Variants in CD180 observed in about 807,000 individuals in gnomAD.
CD180 encodes CD180 molecule.
Under a neutral mutation model 10.7 loss-of-function variants are expected in CD180, and 11 were observed. That is an observed-to-expected ratio of 1.03 (90% confidence interval 0.65 to 1.70). The LOEUF is 1.70. Ranked by LOEUF, CD180 falls within the 40% of genes most tolerant of loss-of-function variation. The pLI is 0.00. For missense variants in CD180, 729 were observed against 775.2 expected, an observed-to-expected ratio of 0.94 and a Z score of 0.71; for synonymous variants, 286 against 294.6, an observed-to-expected ratio of 0.97 and a Z score of 0.30.
At chr5:67,194,375 T>C (rs1205618539) in intron 1 of CD180, among the ~76,000 whole-genome samples, 1 of 149,200 alleles carries the variant, frequency 6.7e-6, no homozygotes, top group African/African-American at 2.6e-5. Context: ...TATTATAGAA[T>C]CTAAGATTTT....
At chr5:67,184,825 C>T (rs77896491) in intron 2 of CD180, among the ~76,000 whole-genome samples, 6,332 of 151,970 alleles carry the variant, frequency 0.042, 324 homozygotes, top group African/African-American at 0.11. Context: ...GAGGTTTGTG[C>T]CTGTATTCTA....
At position 67,183,886 on chromosome 5, in the gene CD180, A is replaced by G; in HGVS notation, c.957T>C (p.Gly319=). 2.5e-6 allele frequency: 4 copies of G among 1,614,164 alleles called. No individual in the cohort carries two copies. Among genetic ancestry groups the G allele is most frequent in the African/African-American group, 1.3e-5 (1 of 75,032 alleles). ...GAACTAATTTCTTGAGCAAGTTCAG[A>G]CCCTTCATCCCAGAGGGTAACCCTT... The part of the protein sequence containing the change: ...HLKGLPSGMK[G]LNLLKKLVLS... The change falls in exon 3 of 3, where the codon GGT becomes GGC. Residue 319 remains glycine, a synonymous_variant. Coordinates refer to ENST00000256447, the MANE Select transcript of CD180 (RefSeq NM_005582.3).
rs1324670839 is a variant in CD180, at chr5:67,184,543, A to T, written c.300T>A (p.His100Gln). 6.2e-7 allele frequency: 1 copy of T among 1,605,372 alleles called. No individual in the cohort carries two copies. The highest frequency in any genetic ancestry group is 1.7e-5 in the Admixed American group (1 of 59,904). Residue 100 changes from histidine (H) to glutamine (Q), a missense_variant, in exon 3 of 3, where the codon CAT becomes CAA. By Grantham distance (24) the His-to-Gln change is conservative. Transcript: ENST00000256447. The part of the protein sequence containing the change: ...NWIHEDTFQS[H>Q]HQLSTLVLTG... ...TTAACACAAGTGTGCTTAATTGATG[A>T]TGGCTTTGAAAAGTGTCTTCATGTA...
rs5744474 is a variant in CD180 at position 67,194,344 on chromosome 5, A to G, written c.90+2208T>C. On this transcript the variant is annotated intron_variant, in intron 1 of 2. Coordinates refer to ENST00000256447, the MANE Select transcript of CD180 (RefSeq NM_005582.3). ...GGTCACAAGATTTGTGACTTCCCCA[A>G]TTACTCCTGTAGATAACATCTATTA... Among the ~76,000 whole-genome samples, 133 of 152,206 alleles carry G rather than the reference A, an allele frequency of 8.7e-4. 2 individuals are homozygous for G. Among genetic ancestry groups the G allele is most frequent in the African/African-American group, 2.7e-3 (111 of 41,518 alleles).
At position 67,196,779 on chromosome 5, in the gene CD180, C is replaced by A; in HGVS notation, c.-138G>T. On this transcript the variant is annotated 5_prime_UTR_variant, in exon 1 of 3. Transcript: ENST00000256447. ...TTGGAACAAGAAATGCTGTTGACTG[C>A]TCAGCATTCTGTGGCTCTGTGCTGG... 2.7e-6 allele frequency: 2 copies of A among 742,870 alleles called. No homozygotes were observed. Among genetic ancestry groups the A allele is most frequent in the South Asian group, 2.0e-5 (1 of 51,174 alleles). 46.0% of individuals were successfully genotyped at this position (742,870 alleles called of 1,614,324 possible).
At chr5:67,193,873 C>A (rs1006547115) in intron 1 of CD180, among the ~76,000 whole-genome samples, 2 of 152,184 alleles carry the variant, frequency 1.3e-5, no homozygotes, top group Non-Finnish European at 2.9e-5. Flanking sequence ...TTTAAAACAG[C>A]CTGCTTCCCA....
rs763733564 is a variant in CD180 at position 67,183,120 on chromosome 5, TTAAA to T, written c.1719_1722del (p.Asn573LysfsTer16). The T allele has an allele frequency of 6.2e-7, 1 of 1,610,312 alleles. No individual in the cohort carries two copies. Among genetic ancestry groups the T allele is most frequent in the Non-Finnish European group, 8.5e-7 (1 of 1,177,454 alleles). On this transcript the variant is annotated frameshift_variant, in exon 3 of 3. Coordinates refer to ENST00000256447, the MANE Select transcript of CD180 (RefSeq NM_005582.3). LOFTEE classifies it low-confidence loss of function (END_TRUNC). ...CAAGTGCAGTCCAGGGGGTTATGAC[TTAAA>T]TTAATGGTGCTCTGCTGGGACAAGA...
In CD180 at chr5:67,184,416, T is replaced by A. The variant is rs1307124026; in HGVS notation, c.427A>T (p.Ile143Phe). Residue 143 changes from isoleucine to phenylalanine, a missense_variant, in exon 3 of 3, where the codon ATT becomes TTT. Coordinates refer to ENST00000256447, the MANE Select transcript of CD180 (RefSeq NM_005582.3). ...AAGTTTTCCAGATTGTGCACTGGAA[T>A]AAACTCGAGATTGGATATTCCCGTT... is the stretch of plus-strand genomic sequence containing the variant. ...IQTGISNLEF[I>F]PVHNLENLES... 1.9e-5 allele frequency: 31 copies of A among 1,613,940 alleles called. No individual in the cohort carries two copies. Among genetic ancestry groups the A allele is most frequent in the Non-Finnish European group, 2.3e-5 (27 of 1,179,888 alleles).
rs188570516 is a variant in CD180 at position 67,190,820 on chromosome 5, C to T, written c.91-4803G>A. The T allele has an allele frequency of 1.3e-5, 7 of 534,710 alleles. No individual in the cohort carries two copies. In the East Asian group the frequency reaches 5.9e-4, roughly 45 times the overall value. 33.1% of individuals were successfully genotyped at this position (534,710 alleles called of 1,614,324 possible). A position where few individuals can be genotyped will look rare whatever the true frequency, so the allele number is the denominator to read the frequency against. ...TTTTCTCAATCAGGCTCTTATTTTCCTCCCTTCTGCTGTATATCTAACTCC... is the reference window on the plus strand; with the variant it reads ...TTTTCTCAATCAGGCTCTTATTTTCTTCCCTTCTGCTGTATATCTAACTCC... On this transcript the variant is annotated intron_variant, in intron 1 of 2. Coordinates refer to ENST00000256447, the MANE Select transcript of CD180 (RefSeq NM_005582.3).
At position 67,184,039 on chromosome 5, in the gene CD180, G is replaced by A; in HGVS notation, c.804C>T (p.Leu268=). ...CAACAGACATTTCACAGAGTCCCTT[G>A]AGCATGGCTGAACTAATATCTTCGT... is the stretch of plus-strand genomic sequence containing the variant. The part of the protein sequence containing the change: ...IDDEDISSAM[L]KGLCEMSVES... Residue 268 remains leucine, a synonymous_variant, in exon 3 of 3, where the codon CTC becomes CTT. Transcript: ENST00000256447. The A allele has an allele frequency of 1.2e-6, 2 of 1,614,150 alleles. No homozygotes were observed. The highest frequency in any genetic ancestry group is 1.1e-5 in the South Asian group (1 of 91,082).
rs768796013 is a variant in CD180, at chr5:67,183,001, C to G, written c.1842G>C (p.Arg614Ser). ...ETTCANPPSL[R>S]GVKLSDVKLS... ...GCTTGACATCAGATAGCTTAACTCC[C>G]CTTAGAGATGGCGGGTTTGCACACG... Residue 614 changes from arginine to serine, a missense_variant, in exon 3 of 3, where the codon AGG becomes AGC. By Grantham distance (110) the Arg-to-Ser change is moderately radical (BLOSUM62 -1). Transcript: ENST00000256447. 5.0e-6 allele frequency: 8 copies of G among 1,614,202 alleles called. No homozygotes were observed. The highest frequency in any genetic ancestry group is 4.2e-6 in the Non-Finnish European group (5 of 1,180,034).
intron 2 of CD180, among the ~76,000 whole-genome samples, chr5:67,185,416 C>G (rs1463395879): frequency 6.6e-6 from 1 of 151,822 alleles, no homozygotes; most frequent in Non-Finnish European, 1.5e-5. Flanking sequence ...ATGTGGAATC[C>G]CAATTATGCC....
At chr5:67,196,427 A>G in intron 1 of CD180, 125 bp downstream of exon 1, 1 of 831,106 alleles carries the variant, frequency 1.2e-6, no homozygotes, top group South Asian at 1.9e-5. Context: ...AAAATTATAT[A>G]TACACCTTAT....
In CD180 at chr5:67,196,620, A is replaced by G. The variant is rs764882922; in HGVS notation, c.22T>C (p.Phe8Leu). The G allele has an allele frequency of 1.2e-6, 2 of 1,614,040 alleles. No homozygotes were observed. The highest frequency in any genetic ancestry group is 1.1e-5 in the South Asian group (1 of 91,080). The change falls in exon 1 of 3, where the codon TTC becomes CTC. Residue 8 changes from phenylalanine to leucine, a missense_variant. By Grantham distance (22) the Phe-to-Leu change is conservative. Coordinates refer to ENST00000256447, the MANE Select transcript of CD180 (RefSeq NM_005582.3). MAFDVSCFFWVVLFSAGC... is the reference protein window; with the variant it reads MAFDVSCLFWVVLFSAGC... ...GCAGAAAACAGCACCACCCAAAAGA[A>G]GCAGCTGACGTCAAACGCCATCACA...
intron 1 of CD180, among the ~76,000 whole-genome samples, chr5:67,193,052 T>C (rs1742338543): frequency 6.6e-6 from 1 of 152,222 alleles, no homozygotes; most frequent in Non-Finnish European, 1.5e-5. Flanking sequence ...AAAATTTCTC[T>C]CTATGGAGGC....
Position 67,183,267 on chromosome 5 carries a change from C to T in CD180, c.1576G>A (p.Asp526Asn). The change falls in exon 3 of 3, where the codon GAC becomes AAC. Residue 526 changes from aspartate (D) to asparagine (N), a missense_variant. Transcript: ENST00000256447. ...CATGTCAGGCTGTTGTGGCTTAAGT[C>T]TACATGGCTCATTTTTCCCAAGCTG... The part of the protein sequence containing the change: ...FHSLGKMSHV[D>N]LSHNSLTCDS... 1 of 1,614,164 alleles carries T rather than the reference C, an allele frequency of 6.2e-7. No homozygotes were observed. Among genetic ancestry groups the T allele is most frequent in the African/African-American group, 1.3e-5 (1 of 75,042 alleles).
rs776283619 is a variant in CD180, at chr5:67,183,488, A to G, written c.1355T>C (p.Leu452Pro). 1.2e-6 allele frequency: 2 copies of G among 1,614,212 alleles called. No homozygotes were observed. The highest frequency in any genetic ancestry group is 4.5e-5 in the East Asian group (2 of 44,892). ...GCTGGTATCAAGGAAGCAGTAAGTG[A>G]GATTCAGAACCTGAAGGAAATGGAG... ...QNLHFLQVLN[L>P]TYCFLDTSNQ... The change falls in exon 3 of 3, where the codon CTC (leucine) becomes CCC (proline). Residue 452 changes from leucine (L) to proline (P), a missense_variant. Transcript: ENST00000256447.
At chr5:67,194,456 G>A (rs540354105) in intron 1 of CD180, among the ~76,000 whole-genome samples, 80 of 151,970 alleles carry the variant, frequency 5.3e-4, no homozygotes, top group Non-Finnish European at 1.1e-3. Context: ...CTCACCCAGA[G>A]GTGGACTCAG....
Position 67,184,457 on chromosome 5 carries a change from T to A in CD180, c.386A>T (p.His129Leu), listed in dbSNP as rs1435503061. ...TSLNGPKSLK[H>L]LFLIQTGISN... is the part of the protein sequence containing the mutation. ...TATTCCCGTTTGGATTAAGAAAAGA[T>A]GCTTCAGTGACTTGGGCCCATTAAG... is the stretch of plus-strand genomic sequence containing the variant. Residue 129 changes from histidine to leucine, a missense_variant, in exon 3 of 3, where the codon CAT becomes CTT. Transcript: ENST00000256447. 1.2e-6 allele frequency: 2 copies of A among 1,614,188 alleles called. No individual in the cohort carries two copies. The highest frequency in any genetic ancestry group is 1.7e-6 in the Non-Finnish European group (2 of 1,180,010).
Sources: allele counts gnomAD v4.1 joint callset (sites outside exome capture counted in the v4.1 genomes callset), GRCh38; gene constraint gnomAD v4.1.1; transcripts MANE v1.5; gene names NCBI Gene and HGNC (gene_info 2026-07-23, HGNC 2026-07-21).